GRIA1: variants seen among roughly 807,000 people sequenced by gnomAD.
The protein encoded by GRIA1 is glutamate receptor 1.
A neutral mutation model predicts 99.2 loss-of-function variants in GRIA1; 31 were observed. That is an observed-to-expected ratio of 0.31 (90% CI 0.23 to 0.42). The LOEUF (loss-of-function observed/expected upper bound fraction) is 0.42. Ranked by LOEUF, GRIA1 falls within the 10% of genes least tolerant of loss-of-function variation. GRIA1 has a pLI of 1.00. For synonymous variants in GRIA1, 438 were observed against 432.4 expected (o/e 1.01, Z -0.16); for missense variants, 782 against 1,157.5 (o/e 0.68, Z 4.71).
chr5:153,658,684 C>T (rs1169076004), intron 5 of GRIA1, among the ~76,000 whole-genome samples: 2 of 152,172 alleles, frequency 1.3e-5, no homozygotes, highest in South Asian at 2.1e-4. Context: ...ATAGAACTGA[C>T]CCACTCCTTC....
intron 11 of GRIA1, among the ~76,000 whole-genome samples, chr5:153,744,272 C>T (rs973723615): frequency 5.9e-5 from 9 of 152,138 alleles, no homozygotes; most frequent in African/African-American, 2.2e-4. Flanking sequence ...TCTGTGAGAA[C>T]ATTAGTCTTT....
intron 2 of GRIA1, among the ~76,000 whole-genome samples, chr5:153,495,515 T>C (rs1441711024): frequency 2.0e-5 from 3 of 152,176 alleles, no homozygotes; most frequent in Non-Finnish European, 2.9e-5. Flanking sequence ...ACCCAAGAAA[T>C]GAAAGGGAAT....
At chr5:153,724,445 C>A (rs918304152) in intron 11 of GRIA1, among the ~76,000 whole-genome samples, 10 of 152,156 alleles carry the variant, frequency 6.6e-5, no homozygotes, top group Non-Finnish European at 1.5e-5. Context: ...GATCAAACTA[C>A]TCCGAGCTAC....
At chr5:153,509,834 A>AT (rs1480439327) in intron 2 of GRIA1, among the ~76,000 whole-genome samples, 1 of 152,188 alleles carries the variant, frequency 6.6e-6, no homozygotes, top group African/African-American at 2.4e-5. Flanking sequence ...GAGAGCTATT[A>AT]TTGTTTGTTC....
chr5:153,713,644 C>A (rs1759479356), intron 11 of GRIA1, among the ~76,000 whole-genome samples: 1 of 152,178 alleles, frequency 6.6e-6, no homozygotes, highest in Admixed American at 6.5e-5. Context: ...GCAAATGAAA[C>A]CATCATTTTC....
intron 2 of GRIA1, among the ~76,000 whole-genome samples, chr5:153,613,386 T>C (rs1011619733): frequency 3.9e-5 from 6 of 152,224 alleles, no homozygotes; most frequent in Non-Finnish European, 8.8e-5. Context: ...TTGTTTTCCA[T>C]GGTTTGGGTT....
intron 8 of GRIA1, among the ~76,000 whole-genome samples, chr5:153,697,816 C>A (rs1758222690): frequency 6.6e-6 from 1 of 152,182 alleles, no homozygotes; most frequent in African/African-American, 2.4e-5. Context: ...TGGCAATTTC[C>A]AAACTGAACC....
At chr5:153,721,586 CT>C (rs1285713507) in intron 11 of GRIA1, among the ~76,000 whole-genome samples, 2 of 152,178 alleles carry the variant, frequency 1.3e-5, no homozygotes, top group African/African-American at 4.8e-5. Context: ...ATGAATTGAA[CT>C]GTTTTTGAAT....
intron 11 of GRIA1, among the ~76,000 whole-genome samples, chr5:153,751,135 T>A (rs1250916612): frequency 1.3e-5 from 2 of 152,202 alleles, no homozygotes; most frequent in Non-Finnish European, 2.9e-5. Context: ...CAAAGAGATG[T>A]AGCGATTTGC....
At chr5:153,695,000 C>A (rs577680789) in intron 8 of GRIA1, among the ~76,000 whole-genome samples, 2 of 151,880 alleles carry the variant, frequency 1.3e-5, no homozygotes, top group East Asian at 1.9e-4. Context: ...AAAAAAAAAA[C>A]CTTAGGACCA....
intron 15 of GRIA1, among the ~76,000 whole-genome samples, chr5:153,804,728 AATTAATTTATTTATTTATTT>A (rs1449908193): frequency 3.2e-4 from 44 of 136,098 alleles, no homozygotes; most frequent in African/African-American, 1.0e-3. Context: ...TTAATTAATT[AATTAATTTATTTATTTATTT>A]ATTTATTTAT....
intron 11 of GRIA1, among the ~76,000 whole-genome samples, chr5:153,740,966 C>CT (rs10601141): frequency 0.073 from 5,610 of 76,824 alleles, 410 homozygotes; most frequent in Non-Finnish European, 0.086. Context: ...AAGAAATTGG[C>CT]TTTTTTTTTT....
intron 13 of GRIA1, among the ~76,000 whole-genome samples, chr5:153,779,560 A>T (rs1764497604): frequency 1.3e-5 from 2 of 152,008 alleles, no homozygotes; most frequent in South Asian, 2.1e-4. Flanking sequence ...CCCATTTTTT[A>T]TTTATTTATT....
chr5:153,706,984 G>A (rs940778957), intron 11 of GRIA1, among the ~76,000 whole-genome samples: 1 of 152,092 alleles, frequency 6.6e-6, no homozygotes, highest in African/African-American at 2.4e-5. Context: ...TGGATGTGGT[G>A]GCAGGTGCCC....
chr5:153,587,145 C>G (rs778016699), intron 2 of GRIA1, among the ~76,000 whole-genome samples: 1 of 152,106 alleles, frequency 6.6e-6, no homozygotes, highest in Non-Finnish European at 1.5e-5. Flanking sequence ...AAGGTGGGGC[C>G]TAGTGGGAGG....
chr5:153,564,846 A>T (rs1205780305), intron 2 of GRIA1, among the ~76,000 whole-genome samples: 3 of 152,214 alleles, frequency 2.0e-5, no homozygotes, highest in Non-Finnish European at 2.9e-5. Flanking sequence ...TCCTTGTCAG[A>T]TCTGTGTATT....
At chr5:153,509,668 T>G (rs1176288524) in intron 2 of GRIA1, among the ~76,000 whole-genome samples, 1 of 152,206 alleles carries the variant, frequency 6.6e-6, no homozygotes, top group African/African-American at 2.4e-5. Context: ...TTGGATCTTG[T>G]GTGATCTTTA....
intron 5 of GRIA1, among the ~76,000 whole-genome samples, chr5:153,659,188 T>G (rs1755180296): frequency 6.6e-6 from 1 of 152,186 alleles, no homozygotes; most frequent in Non-Finnish European, 1.5e-5. Context: ...AAAAGTGTTC[T>G]GCACAAATGG....
chr5:153,809,907 G>C (rs1766698982), intron 15 of GRIA1, among the ~76,000 whole-genome samples: 1 of 152,182 alleles, frequency 6.6e-6, no homozygotes. Flanking sequence ...AGAAGAGGTA[G>C]GGTTGGTCCC....
Sources: gnomAD v4.1 joint callset for allele counts (sites outside exome capture counted in the v4.1 genomes callset) on GRCh38, gnomAD v4.1.1 for gene constraint, MANE v1.5 for transcripts, NCBI Gene and HGNC (gene_info 2026-07-23, HGNC 2026-07-21) for gene names.